Variants in RRN3 observed in about 807,000 individuals in gnomAD.
RRN3 encodes the protein RNA polymerase I transcription factor RRN3, also known as RNA polymerase I-specific transcription initiation factor RRN3.
RRN3 carries 38 observed loss-of-function variants against 82.3 expected under a neutral mutation model. That is an observed-to-expected ratio of 0.46 (90% CI 0.36 to 0.61). RRN3 has a LOEUF of 0.61. Ranked by LOEUF, RRN3 falls within the 20% of genes least tolerant of loss-of-function variation. RRN3 has a pLI of 0.00. For missense variants in RRN3, 726 were observed against 793.1 expected (o/e 0.92, Z 1.02); for synonymous variants, 284 against 284.3 (o/e 1.00, Z 0.01).
At chr16:15,065,957 CATAAA>C (rs2044951799) in intron 15 of RRN3, among the ~76,000 whole-genome samples, 3 of 152,242 alleles carry the variant, frequency 2.0e-5, no homozygotes, top group Admixed American at 6.5e-5. Context: ...TAGAAGAAAA[CATAAA>C]ATAAAGACAA....
intron 9 of RRN3, among the ~76,000 whole-genome samples, chr16:15,078,873 G>C (rs1378081574): frequency 4.1e-5 from 6 of 147,826 alleles, no homozygotes; most frequent in African/African-American, 1.5e-4. Flanking sequence ...GCGGAGTGGC[G>C]CAATCTCGGC....
intron 1 of RRN3, 27 bp downstream of exon 1, chr16:15,094,118 C>T (rs764828674): frequency 1.1e-5 from 18 of 1,569,794 alleles, no homozygotes; most frequent in Non-Finnish European, 1.5e-5. Context: ...GTCCCAGATA[C>T]GCAGAAGGAA....
intron 12 of RRN3, 140 bp from the exon 13 acceptor site, chr16:15,071,391 A>T (rs2045221506): frequency 1.2e-6 from 1 of 811,252 alleles, no homozygotes; most frequent in Admixed American, 2.7e-5. Flanking sequence ...CATTTTTAAA[A>T]CACATTGAGA....
chr16:15,065,772 A>G (rs2044944365), intron 15 of RRN3, among the ~76,000 whole-genome samples: 1 of 152,110 alleles, frequency 6.6e-6, no homozygotes, highest in Admixed American at 6.5e-5. Flanking sequence ...GGTTGGTGGT[A>G]AAGGGATTCA....
chr16:15,071,692 C>T (rs570295052), intron 12 of RRN3, among the ~76,000 whole-genome samples: 13 of 152,260 alleles, frequency 8.5e-5, no homozygotes, highest in East Asian at 1.9e-4. Context: ...CGCTTGAACC[C>T]AGGAGGCAGA....
chr16:15,075,584 G>C (rs536191728), intron 10 of RRN3, among the ~76,000 whole-genome samples: 289 of 81,966 alleles, frequency 3.5e-3, no homozygotes, highest in Non-Finnish European at 7.1e-3. Flanking sequence ...AATTAAAAAA[G>C]AAAGAAAAGA....
intron 17 of RRN3, 86 bp from the exon 18 acceptor site, chr16:15,061,991 G>T: frequency 7.6e-7 from 1 of 1,319,350 alleles, no homozygotes; most frequent in Non-Finnish European, 1.1e-6. Context: ...AGGTGTTAAC[G>T]TTTGTAAAGA....
rs554182600 is a variant in RRN3 at position 15,079,848 on chromosome 16, C to T, written c.765+150G>A. ...CTGACCTCAGGTGATCTGCCTGCCT[C>T]GGCCTCCCAAAGTGCTGGGAATACA... On this transcript the variant is annotated intron_variant, in intron 9 of 17. Coordinates refer to ENST00000198767, the MANE Select transcript of RRN3 (RefSeq NM_018427.5). 210 of 814,306 alleles carry T rather than the reference C, an allele frequency of 2.6e-4. 3 individuals are homozygous for T. The East Asian group carries it at 6.7e-3, about 26-fold the overall frequency. 50.4% of individuals were successfully genotyped at this position (814,306 alleles called of 1,614,324 possible). A position where few individuals can be genotyped will look rare whatever the true frequency, so the allele number is the denominator to read the frequency against.
chr16:15,088,769 C>A (rs1053523786), intron 3 of RRN3, among the ~76,000 whole-genome samples: 2 of 152,176 alleles, frequency 1.3e-5, no homozygotes, highest in African/African-American at 2.4e-5. Flanking sequence ...AGTGACCAAG[C>A]CAACAGATAA....
chr16:15,083,193 G>A (rs192017714), intron 8 of RRN3, among the ~76,000 whole-genome samples: 21 of 152,314 alleles, frequency 1.4e-4, no homozygotes, highest in Non-Finnish European at 2.6e-4. Flanking sequence ...AAGGTCAGGC[G>A]TTCGATACCA....
intron 17 of RRN3, among the ~76,000 whole-genome samples, 171 bp from the exon 18 acceptor site, chr16:15,062,076 G>A (rs771383415): frequency 2.6e-5 from 4 of 152,220 alleles, no homozygotes; most frequent in Non-Finnish European, 5.9e-5. Flanking sequence ...CTACTCAGGA[G>A]GTGGAGGTGG....
At chr16:15,092,015 A>G (rs1431418800) in intron 2 of RRN3, among the ~76,000 whole-genome samples, 1 of 151,928 alleles carries the variant, frequency 6.6e-6, no homozygotes, top group Non-Finnish European at 1.5e-5. Flanking sequence ...TGCCTCTACT[A>G]AAAAAATAAA....
intron 9 of RRN3, among the ~76,000 whole-genome samples, chr16:15,078,684 GGT>G: frequency 6.6e-6 from 1 of 152,052 alleles, no homozygotes; most frequent in Admixed American, 6.6e-5. Flanking sequence ...TCTTTCCAAA[GGT>G]TTATGCTCAG....
At chr16:15,079,925 T>C in intron 9 of RRN3, 73 bp downstream of exon 9, 1 of 1,426,468 alleles carries the variant, frequency 7.0e-7, no homozygotes, top group Non-Finnish European at 9.5e-7. Flanking sequence ...CACTGACTAT[T>C]GTTTCCACAT....
At chr16:15,090,426 T>C (rs1056277716) in intron 3 of RRN3, among the ~76,000 whole-genome samples, 21 of 152,200 alleles carry the variant, frequency 1.4e-4, no homozygotes, top group African/African-American at 5.1e-4. Context: ...TGAATCCTTG[T>C]TAAGTATTTC....
rs554582036 is a variant in RRN3, at chr16:15,069,955, C to A, written c.1444+115G>T. On this transcript the variant is annotated intron_variant, in intron 14 of 17. Coordinates refer to ENST00000198767, the MANE Select transcript of RRN3 (RefSeq NM_018427.5). Reference sequence around the variant, plus strand: ...AATTATTATTAAAAGTTTGAGTGCACATGCAGTTTTCTGAATCCAGTTTTT... The same window carrying A: ...AATTATTATTAAAAGTTTGAGTGCAAATGCAGTTTTCTGAATCCAGTTTTT... 6.9e-6 allele frequency: 10 copies of A among 1,452,186 alleles called. No homozygotes were observed. The South Asian group carries it at 1.0e-4, about 14-fold the overall frequency. 90.0% of individuals were successfully genotyped at this position (1,452,186 alleles called of 1,614,324 possible). A position where few individuals can be genotyped will look rare whatever the true frequency, so the allele number is the denominator to read the frequency against.
intron 16 of RRN3, among the ~76,000 whole-genome samples, chr16:15,063,628 C>G (rs548647997): frequency 2.8e-5 from 4 of 143,956 alleles, no homozygotes; most frequent in African/African-American, 1.0e-4. Context: ...TGGCCTGAAC[C>G]TGGGAGACGG....
At chr16:15,086,759 T>C (rs1306769322) in intron 3 of RRN3, among the ~76,000 whole-genome samples, 2 of 152,196 alleles carry the variant, frequency 1.3e-5, no homozygotes, top group African/African-American at 4.8e-5. Flanking sequence ...CTGGGACTTT[T>C]AAAAACTGCA....
rs146348493 is a variant in RRN3, at chr16:15,074,826, A to G, written c.894T>C (p.Ala298=). 12 of 1,613,172 alleles carry G rather than the reference A, an allele frequency of 7.4e-6. No individual in the cohort carries two copies. In the African/African-American group the frequency reaches 1.2e-4, roughly 16 times the overall value. The change falls in exon 11 of 18, where the codon GCT becomes GCC. Residue 298 remains alanine (A), a synonymous_variant. Coordinates refer to ENST00000198767, the MANE Select transcript of RRN3 (RefSeq NM_018427.5). ...CCATCTGGTCGAGCCGTTCAGGACC[A>G]GCCTTTGTTTCATGTTCAGTTTCTT... The part of the protein sequence containing the change: ...EDEETEHETK[A]GPERLDQMVH...
Sources: gnomAD v4.1 joint callset for allele counts (sites outside exome capture counted in the v4.1 genomes callset) on GRCh38, gnomAD v4.1.1 for gene constraint, MANE v1.5 for transcripts, NCBI Gene and HGNC (gene_info 2026-07-23, HGNC 2026-07-21) for gene names.